Variants in NUB1 observed in about 807,000 individuals in gnomAD.
NUB1 encodes negative regulator of ubiquitin like proteins 1.
Under a neutral mutation model 77.1 loss-of-function variants are expected in NUB1, and 41 were observed. That is an observed-to-expected ratio of 0.53 (90% CI 0.41 to 0.69). The LOEUF (loss-of-function observed/expected upper bound fraction) is 0.69, where lower values mean the gene tolerates loss of function less well. Ranked by LOEUF, NUB1 falls within the 30% of genes least tolerant of loss-of-function variation. The pLI, the probability that NUB1 is intolerant of heterozygous loss-of-function variation, is 0.00. For missense variants in NUB1, 643 were observed against 743.8 expected (o/e 0.86, Z 1.58); for synonymous variants, 257 against 281.0 (o/e 0.91, Z 0.85).
At chr7:151,350,069 G>A (rs1316290833) in intron 3 of NUB1, among the ~76,000 whole-genome samples, 1 of 152,240 alleles carries the variant, frequency 6.6e-6, no homozygotes, top group African/African-American at 2.4e-5. Flanking sequence ...GGTAGACGAG[G>A]CGGAGAGAGA....
chr7:151,356,167 T>G lies in NUB1; in HGVS notation c.638T>G (p.Leu213Ter), dbSNP rs774124571. 1.2e-6 allele frequency: 2 copies of G among 1,613,946 alleles called. No individual in the cohort carries two copies. Among genetic ancestry groups the G allele is most frequent in the Non-Finnish European group, 1.7e-6 (2 of 1,179,840 alleles). ...GTGGATCCAGAAATGACACCGTACT[T>G]AGACATAGCTAACCAGACAGGCAGA... ...TVVDPEMTPYLDIANQTGRSI... is the reference protein window; with the variant it reads ...TVVDPEMTPY The change falls in exon 7 of 15, where the codon TTA (leucine) becomes TGA (stop). Residue 213 changes from leucine to a stop codon, truncating the protein, a stop_gained. Coordinates refer to ENST00000568733, the MANE Select transcript of NUB1 (RefSeq NM_001243351.2). LOFTEE classifies it high-confidence loss of function.
chr7:151,375,168 C>T (rs1412812625), intron 12 of NUB1, among the ~76,000 whole-genome samples: 1 of 152,154 alleles, frequency 6.6e-6, no homozygotes, highest in Non-Finnish European at 1.5e-5. Context: ...CCGGAAGGCT[C>T]CACAAGTCAG....
chr7:151,362,089 C>G (rs892589726), intron 8 of NUB1, among the ~76,000 whole-genome samples: 1 of 152,276 alleles, frequency 6.6e-6, no homozygotes, highest in East Asian at 1.9e-4. Context: ...TCTTTTTATC[C>G]TGGACAAATC....
Position 151,368,779 on chromosome 7 carries a change from G to A in NUB1, c.1140G>A (p.Val380=). ...AGCTATATATTGATCCATCAAAAGT[G>A]GACAATTTGTTGCAGTTGGGGTTTA... ...FKELYIDPSK[V]DNLLQLGFTA... is the part of the protein sequence containing the mutation. Residue 380 remains valine (V), a synonymous_variant, in exon 11 of 15, where the codon GTG becomes GTA. Coordinates refer to ENST00000568733, the MANE Select transcript of NUB1 (RefSeq NM_001243351.2). 1 of 1,614,000 alleles carries A rather than the reference G, an allele frequency of 6.2e-7. No individual in the cohort carries two copies. The highest frequency in any genetic ancestry group is 1.1e-5 in the South Asian group (1 of 91,064).
At chr7:151,374,473 T>TGTCCACACCAGCACA in intron 12 of NUB1, 1 of 613,734 alleles carries the variant, frequency 1.6e-6, no homozygotes, top group Non-Finnish European at 2.9e-6. Flanking sequence ...ACGTGGTGCC[T>TGTCCACACCAGCACA]GTCCACACCA....
chr7:151,369,011 CCTT>C (rs1797836743), intron 11 of NUB1, 124 bp downstream of exon 11: 1 of 1,145,712 alleles, frequency 8.7e-7, no homozygotes, highest in Non-Finnish European at 1.2e-6. Flanking sequence ...AGAAACTTGT[CCTT>C]TTTTTTTTCT....
At chr7:151,357,797 A>G (rs1252135877) in intron 7 of NUB1, among the ~76,000 whole-genome samples, 1 of 150,772 alleles carries the variant, frequency 6.6e-6, no homozygotes, top group Admixed American at 6.6e-5. Context: ...TTTAGTAGAG[A>G]CGGGGTTTCG....
At chr7:151,356,280 G>GC in intron 7 of NUB1, 58 bp downstream of exon 7, 1 of 1,235,686 alleles carries the variant, frequency 8.1e-7, no homozygotes, top group Non-Finnish European at 1.2e-6. Flanking sequence ...GGCAGAGGTG[G>GC]TTTTTTAGTT....
At chr7:151,351,044 G>T in intron 3 of NUB1, 1 of 252,496 alleles carries the variant, frequency 4.0e-6, no homozygotes, top group Non-Finnish European at 7.7e-6. Context: ...TCCGGAATAG[G>T]CAAATCTGTA....
At chr7:151,352,945 T>C in intron 5 of NUB1, 63 bp downstream of exon 5, 1 of 883,082 alleles carries the variant, frequency 1.1e-6, no homozygotes, top group Non-Finnish European at 1.8e-6. Flanking sequence ...TGACTTCCCT[T>C]TTTTTCTCAA....
At chr7:151,358,972 G>A (rs1227626270) in intron 7 of NUB1, among the ~76,000 whole-genome samples, 5 of 151,916 alleles carry the variant, frequency 3.3e-5, no homozygotes, top group African/African-American at 9.7e-5. Context: ...GGCTGAGGTG[G>A]AAGAATGGCG....
intron 1 of NUB1, 57 bp downstream of exon 1, chr7:151,341,903 C>G: frequency 7.0e-7 from 1 of 1,432,774 alleles, no homozygotes; most frequent in Non-Finnish European, 9.1e-7. Flanking sequence ...CTGCTTGGCG[C>G]CCCGGTTCCC....
chr7:151,365,450 A>T (rs1168350380), intron 8 of NUB1, among the ~76,000 whole-genome samples: 1 of 152,144 alleles, frequency 6.6e-6, no homozygotes, highest in Non-Finnish European at 1.5e-5. Flanking sequence ...TAAAACATGA[A>T]CGAGCCTGTT....
intron 1 of NUB1, among the ~76,000 whole-genome samples, chr7:151,344,168 G>A (rs1426716596): frequency 7.0e-5 from 6 of 85,980 alleles, no homozygotes; most frequent in East Asian, 5.9e-4. Flanking sequence ...GCGACAGAGT[G>A]AGACTCCCTC....
At position 151,342,846 on chromosome 7, in the gene NUB1, T is replaced by A. The variant is rs1796276568; in HGVS notation, c.-3+1000T>A. 2.6e-5 allele frequency among the ~76,000 whole-genome samples: 4 copies of A among 152,210 alleles called. No individual in the cohort carries two copies. The South Asian group carries it at 8.3e-4, about 32-fold the overall frequency. On this transcript the variant is annotated intron_variant, in intron 1 of 14. Coordinates refer to ENST00000568733, the MANE Select transcript of NUB1 (RefSeq NM_001243351.2). ...TCTTTTTAAAAATTTTTTATTTGTT[T>A]ATTTTTTTAGTAGAGACGGGGTTTC...
chr7:151,345,485 A>G lies in NUB1; in HGVS notation c.117+19A>G. The G allele has an allele frequency of 8.4e-7, 1 of 1,192,756 alleles. No homozygotes were observed. The allele number at this position is 1,192,756 out of a possible 1,614,324, so 73.9% of individuals were successfully genotyped here. On this transcript the variant is annotated intron_variant, in intron 2 of 14. Transcript: ENST00000568733. ...ATTAAAGGTATTTTTCTTTTAAGACATCAATAATTAGCAGCATTATAAATC... is the reference window on the plus strand; with the variant it reads ...ATTAAAGGTATTTTTCTTTTAAGACGTCAATAATTAGCAGCATTATAAATC...
chr7:151,375,058 G>A (rs1418981085), intron 12 of NUB1, among the ~76,000 whole-genome samples: 7 of 150,576 alleles, frequency 4.6e-5, no homozygotes, highest in Non-Finnish European at 7.4e-5. Context: ...AGGGGGTGGG[G>A]TGCAGGGCAG....
At chr7:151,376,224 C>A (rs1261343669) in intron 13 of NUB1, 2 of 476,366 alleles carry the variant, frequency 4.2e-6, no homozygotes, top group Non-Finnish European at 7.7e-6. Flanking sequence ...CATTTCTCTG[C>A]CTGTGACCTA....
In NUB1 at chr7:151,349,037, TAAGTCAGTATTGCATTTTCTGA is replaced by T; in HGVS notation, c.118-35_118-14del. 1 of 1,569,044 alleles carries T rather than the reference TAAGTCAGTATTGCATTTTCTGA, an allele frequency of 6.4e-7. No individual in the cohort carries two copies. The highest frequency in any genetic ancestry group is 8.6e-7 in the Non-Finnish European group (1 of 1,159,010). On this transcript the variant is annotated splice_polypyrimidine_tract_variant and intron_variant, in intron 2 of 14. Transcript: ENST00000568733. ...TTTCTATATTTTGCCTTTTTTTTTT[TAAGTCAGTATTGCATTTTCTGA>T]TTTTTCTTGATAGGACCTTGCTAAG... is the stretch of plus-strand genomic sequence containing the variant.
Sources: allele counts gnomAD v4.1 joint callset (sites outside exome capture counted in the v4.1 genomes callset), GRCh38; gene constraint gnomAD v4.1.1; transcripts MANE v1.5; gene names NCBI Gene and HGNC (gene_info 2026-07-23, HGNC 2026-07-21).